The following TLL1 variants were observed in gnomAD, a reference collection of about 807,000 sequenced individuals.
TLL1 encodes the protein tolloid like 1.
In TLL1, 49 loss-of-function variants were observed where a neutral mutation model predicts 128.2. That is an observed-to-expected ratio of 0.38 (90% CI 0.30 to 0.48). The LOEUF (loss-of-function observed/expected upper bound fraction) is 0.48, where lower values mean the gene tolerates loss of function less well. Among genes scored for constraint, TLL1 ranks in the 20% least tolerant of loss-of-function variants. TLL1 has a pLI of 0.96. For missense variants in TLL1, 1,123 were observed against 1,242.0 expected (o/e 0.90, Z 1.44); for synonymous variants, 454 against 418.8 (o/e 1.08, Z -1.03).
rs1737657640 is a variant in TLL1 at position 166,010,795 on chromosome 4, T to TTTAATGCA, written c.917+2750_917+2757dup. 2.6e-5 allele frequency among the ~76,000 whole-genome samples: 4 copies of TTTAATGCA among 151,378 alleles called. No individual in the cohort carries two copies. In the South Asian group the frequency reaches 8.3e-4, roughly 31 times the overall value. ...ATAGTTTGGGTCTTATGTTTATTTA[T>TTTAATGCA]TTAATGCATTGAGTTAATTTTTTAA... On this transcript the variant is annotated intron_variant, in intron 7 of 20. Transcript: ENST00000061240.
intron 1 of TLL1, among the ~76,000 whole-genome samples, chr4:165,932,644 CT>C (rs5863789): frequency 0.23 from 32,806 of 144,684 alleles, 5,838 homozygotes; most frequent in African/African-American, 0.5. Flanking sequence ...AGATTTTCTT[CT>C]TTTTTTTTTT....
At chr4:165,986,961 C>T (rs1314797052) in intron 1 of TLL1, among the ~76,000 whole-genome samples, 1 of 152,054 alleles carries the variant, frequency 6.6e-6, no homozygotes, top group Admixed American at 6.6e-5. Flanking sequence ...GGAATTTATT[C>T]TTGCAGAAAA....
chr4:166,020,239 T>A (rs1273912192), intron 8 of TLL1, among the ~76,000 whole-genome samples: 2 of 152,214 alleles, frequency 1.3e-5, no homozygotes, highest in Non-Finnish European at 2.9e-5. Context: ...TTTGTCTTTA[T>A]GATGGTTTCC....
chr4:166,027,984 A>G (rs1738585638), intron 9 of TLL1, among the ~76,000 whole-genome samples: 1 of 152,114 alleles, frequency 6.6e-6, no homozygotes, highest in Non-Finnish European at 1.5e-5. Flanking sequence ...ATTTATGACG[A>G]TTAGCAAATA....
intron 1 of TLL1, among the ~76,000 whole-genome samples, chr4:165,902,777 A>G (rs2110855643): frequency 6.6e-6 from 1 of 152,306 alleles, no homozygotes; most frequent in South Asian, 2.1e-4. Flanking sequence ...GAACAATTGG[A>G]TATCTATGTG....
rs140447889 is a variant in TLL1 at position 165,878,920 on chromosome 4, C to CTTT, written c.169+4874_169+4876dup. 1.6e-3 allele frequency among the ~76,000 whole-genome samples: 94 copies of CTTT among 60,508 alleles called. 16 individuals carry two copies. The highest frequency in any genetic ancestry group is 0.015 in the Middle Eastern group (1 of 68). 39.7% of individuals were successfully genotyped at this position (60,508 alleles called of 152,430 possible). ...TCCCTCTTACCCTGATGATGGCTTC[C>CTTT]TTTTTTTTTTTTTTTTTTTTTTTTT... On this transcript the variant is annotated intron_variant, in intron 1 of 20. Transcript: ENST00000061240.
chr4:165,887,794 T>C (rs1731228915), intron 1 of TLL1, among the ~76,000 whole-genome samples: 1 of 152,212 alleles, frequency 6.6e-6, no homozygotes, highest in South Asian at 2.1e-4. Context: ...TCCATTAACA[T>C]GGTATATATC....
At chr4:166,083,862 A>G (rs1418096304) in intron 18 of TLL1, among the ~76,000 whole-genome samples, 2 of 152,180 alleles carry the variant, frequency 1.3e-5, no homozygotes, top group African/African-American at 4.8e-5. Context: ...AGCAACAGAC[A>G]TTCCTTCAAC....
chr4:165,963,504 AGTGGGG>A (rs1430250408), intron 1 of TLL1, among the ~76,000 whole-genome samples: 2 of 151,570 alleles, frequency 1.3e-5, no homozygotes, highest in Non-Finnish European at 2.9e-5. Context: ...TTATCAGGTA[AGTGGGG>A]GAGATTATAT....
chr4:166,031,089 G>A (rs977360016), intron 9 of TLL1: 1 of 807,336 alleles, frequency 1.2e-6, no homozygotes, highest in Non-Finnish European at 1.5e-6. Flanking sequence ...CTCATAAAAT[G>A]AAGCTGCTTA....
In TLL1 at chr4:165,873,559, T is replaced by A. The variant is rs1730585955; in HGVS notation, c.-346T>A. 1 of 171,120 alleles carries A rather than the reference T, an allele frequency of 5.8e-6. No individual in the cohort carries two copies. Among genetic ancestry groups the A allele is most frequent in the Non-Finnish European group, 1.2e-5 (1 of 80,920 alleles). 10.6% of individuals were successfully genotyped at this position (171,120 alleles called of 1,614,324 possible). On this transcript the variant is annotated 5_prime_UTR_variant, in exon 1 of 21. Coordinates refer to ENST00000061240, the MANE Select transcript of TLL1 (RefSeq NM_012464.5). The stretch of plus-strand genomic sequence containing the variant: ...CTCGCCGAGCCGCGGCCGCGGGAAG[T>A]TCGGCAGCCAGAAGGACGACCTGGC...
chr4:166,090,008 G>T (rs1487294786), intron 18 of TLL1, among the ~76,000 whole-genome samples: 1 of 151,958 alleles, frequency 6.6e-6, no homozygotes, highest in Non-Finnish European at 1.5e-5. Flanking sequence ...GCAATTTTTA[G>T]TCTCTTTTGT....
intron 1 of TLL1, among the ~76,000 whole-genome samples, chr4:165,896,479 C>CTTT (rs70955648): frequency 9.8e-5 from 10 of 102,142 alleles, no homozygotes; most frequent in Admixed American, 1.2e-4. Flanking sequence ...AATGGTATTT[C>CTTT]TTTTTTTTTT....
intron 1 of TLL1, among the ~76,000 whole-genome samples, chr4:165,979,240 T>A (rs374610454): frequency 1.1e-4 from 17 of 152,282 alleles, no homozygotes; most frequent in African/African-American, 3.9e-4. Flanking sequence ...ACTAGAGCAT[T>A]GTTTGTATTA....
At chr4:165,905,983 A>G (rs1408297769) in intron 1 of TLL1, among the ~76,000 whole-genome samples, 2 of 152,060 alleles carry the variant, frequency 1.3e-5, no homozygotes, top group Admixed American at 1.3e-4. Context: ...GGCATAGTTC[A>G]TTTCTAGGAT....
chr4:166,045,838 A>G (rs1446892935), intron 12 of TLL1, among the ~76,000 whole-genome samples: 2 of 151,868 alleles, frequency 1.3e-5, no homozygotes, highest in South Asian at 2.1e-4. Flanking sequence ...CTCTCCTATT[A>G]CTTTATTTGG....
chr4:166,009,604 T>A (rs1195505943), intron 7 of TLL1, among the ~76,000 whole-genome samples: 1 of 151,460 alleles, frequency 6.6e-6, no homozygotes, highest in Non-Finnish European at 1.5e-5. Flanking sequence ...TCCTATGCAT[T>A]TTTCATAAAT....
intron 5 of TLL1, among the ~76,000 whole-genome samples, chr4:166,000,056 A>T (rs557002277): frequency 3.5e-4 from 54 of 152,176 alleles, no homozygotes; most frequent in Non-Finnish European, 7.5e-4. Flanking sequence ...TCTATGACTT[A>T]TGGAGAGGTG....
intron 1 of TLL1, 69 bp from the exon 2 acceptor site, chr4:165,989,312 C>G (rs1432946192): frequency 1.7e-6 from 2 of 1,153,860 alleles, no homozygotes; most frequent in South Asian, 2.5e-5. Context: ...CAATGCTTTT[C>G]TAATTAGCTT....
Sources: allele counts gnomAD v4.1 joint callset (sites outside exome capture counted in the v4.1 genomes callset), GRCh38; gene constraint gnomAD v4.1.1; transcripts MANE v1.5; gene names NCBI Gene and HGNC (gene_info 2026-07-23, HGNC 2026-07-21).